Variants in EPM2A observed in about 807,000 individuals in gnomAD.
EPM2A encodes EPM2A glucan phosphatase, laforin, also known as laforin.
EPM2A carries 21 observed loss-of-function variants against 26.5 expected under a neutral mutation model. The ratio of observed to expected loss-of-function variants is 0.79; its 90% confidence interval spans 0.56 to 1.14. EPM2A has a LOEUF of 1.14. Ranked by LOEUF, EPM2A falls within the 50% of genes most tolerant of loss-of-function variation. The pLI, the probability that EPM2A is intolerant of heterozygous loss-of-function variation, is 0.00. For missense variants in EPM2A, 458 were observed against 440.8 expected (o/e 1.04, Z -0.35); for synonymous variants, 217 against 177.6 (o/e 1.22, Z -1.76).
At chr6:145,724,508 A>T in intron 1 of EPM2A, among the ~76,000 whole-genome samples, 1 of 152,122 alleles carries the variant, frequency 6.6e-6, no homozygotes, top group Non-Finnish European at 1.5e-5. Flanking sequence ...CAACAACTGA[A>T]TCTAAAAAGT....
intron 4 of EPM2A, among the ~76,000 whole-genome samples, chr6:145,411,841 G>A (rs1182888574): frequency 2.6e-5 from 4 of 152,028 alleles, no homozygotes; most frequent in African/African-American, 4.8e-5. Flanking sequence ...TCAGCCTCTC[G>A]GCCCTTTTTA....
At chr6:145,444,928 A>AC (rs1779111886) in intron 4 of EPM2A, among the ~76,000 whole-genome samples, 1 of 150,750 alleles carries the variant, frequency 6.6e-6, no homozygotes, top group Non-Finnish European at 1.5e-5. Flanking sequence ...GAAAATTTAG[A>AC]TTTTTTTTTT....
chr6:145,709,947 A>T (rs1775210491), intron 1 of EPM2A, among the ~76,000 whole-genome samples: 2 of 152,200 alleles, frequency 1.3e-5, no homozygotes, highest in South Asian at 4.1e-4. Flanking sequence ...CCTTCCTTAC[A>T]CCTTATACAA....
At chr6:145,713,430 G>A (rs1395878587) in intron 1 of EPM2A, among the ~76,000 whole-genome samples, 2 of 152,154 alleles carry the variant, frequency 1.3e-5, no homozygotes, top group Admixed American at 6.5e-5. Context: ...ACATATGTGT[G>A]TACAGAAGAT....
intron 2 of EPM2A, among the ~76,000 whole-genome samples, chr6:145,606,942 T>A (rs1398548992): frequency 6.6e-6 from 1 of 152,082 alleles, no homozygotes; most frequent in Non-Finnish European, 1.5e-5. Context: ...TAAAGAAAAA[T>A]TAAACTTAAG....
In EPM2A at chr6:145,626,368, G is replaced by A; in HGVS notation, c.*1048C>T. 1.0e-6 allele frequency: 1 copy of A among 985,944 alleles called. No individual in the cohort carries two copies. Among genetic ancestry groups the A allele is most frequent in the African/African-American group, 1.7e-5 (1 of 57,336 alleles). 61.1% of individuals were successfully genotyped at this position (985,944 alleles called of 1,614,324 possible). On this transcript the variant is annotated 3_prime_UTR_variant, in exon 4 of 4. Coordinates refer to ENST00000367519, the MANE Select transcript of EPM2A (RefSeq NM_005670.4). The stretch of plus-strand genomic sequence containing the variant: ...CTGTGAAGCAATTATCCATGGATTT[G>A]GTCATTTGGGCTCTTTTGGTAGTAT...
chr6:145,514,875 A>G (rs1780104428), intron 2 of EPM2A, among the ~76,000 whole-genome samples: 1 of 152,162 alleles, frequency 6.6e-6, no homozygotes, highest in South Asian at 2.1e-4. Context: ...ATTTGAGTGG[A>G]TTTATCACAG....
intron 2 of EPM2A, among the ~76,000 whole-genome samples, chr6:145,660,036 C>T (rs1451007464): frequency 6.6e-6 from 1 of 151,976 alleles, no homozygotes; most frequent in East Asian, 1.9e-4. Flanking sequence ...TCATGCTTTG[C>T]TCAATTAAAC....
At chr6:145,459,404 G>T (rs570296096) in intron 4 of EPM2A, among the ~76,000 whole-genome samples, 1 of 152,138 alleles carries the variant, frequency 6.6e-6, no homozygotes, top group South Asian at 2.1e-4. Context: ...AATCATGCTC[G>T]AAAAGTTCAG....
intron 2 of EPM2A, among the ~76,000 whole-genome samples, chr6:145,526,198 T>C (rs2114778810): frequency 6.6e-6 from 1 of 152,226 alleles, no homozygotes; most frequent in South Asian, 2.1e-4. Flanking sequence ...AGTCTGCTAG[T>C]ATTTTGTTGA....
At chr6:145,439,645 C>T (rs1779036111) in intron 4 of EPM2A, among the ~76,000 whole-genome samples, 1 of 151,936 alleles carries the variant, frequency 6.6e-6, no homozygotes, top group African/African-American at 2.4e-5. Flanking sequence ...TGTCCTTTGC[C>T]CTCTTTTTAA....
intron 4 of EPM2A, chr6:145,463,496 GTT>G (rs1315216277): frequency 1.3e-5 from 2 of 151,990 alleles, no homozygotes; most frequent in Non-Finnish European, 2.9e-5. Flanking sequence ...ATATAATTTT[GTT>G]TTTAAACACA....
At chr6:145,711,462 T>C (rs1269222359) in intron 1 of EPM2A, among the ~76,000 whole-genome samples, 1 of 152,152 alleles carries the variant, frequency 6.6e-6, no homozygotes, top group Non-Finnish European at 1.5e-5. Context: ...TTAAACTACT[T>C]ATAGGACTCC....
intron 4 of EPM2A, among the ~76,000 whole-genome samples, chr6:145,451,352 TA>T (rs928467230): frequency 2.0e-5 from 3 of 150,976 alleles, no homozygotes; most frequent in East Asian, 3.9e-4. Flanking sequence ...AATGCATTGG[TA>T]AAAAAATCCA....
intron 2 of EPM2A, among the ~76,000 whole-genome samples, chr6:145,511,417 G>T (rs951742751): frequency 6.6e-6 from 1 of 152,032 alleles, no homozygotes; most frequent in Non-Finnish European, 1.5e-5. Flanking sequence ...TCATCAAGTG[G>T]GCTTTATTCC....
At chr6:145,592,361 A>G (rs969790907) in intron 2 of EPM2A, among the ~76,000 whole-genome samples, 2 of 151,930 alleles carry the variant, frequency 1.3e-5, no homozygotes, top group Non-Finnish European at 2.9e-5. Flanking sequence ...TATGGCTGCA[A>G]AGTATTCCAT....
rs114913573 is a variant in EPM2A at position 145,454,224 on chromosome 6, G to C, written c.555+48298C>G. 4.3e-3 allele frequency among the ~76,000 whole-genome samples: 656 copies of C among 152,300 alleles called. 3 individuals carry two copies. The highest frequency in any genetic ancestry group is 0.015 in the African/African-American group (619 of 41,562). On this transcript the variant is annotated intron_variant, in intron 4 of 4. Transcript: ENST00000638717. ...AGAATAATCTTCCCAAGTGCCGGAA[G>C]TGGTGGAAGTAACTAAATTGCTGGA...
intron 2 of EPM2A, among the ~76,000 whole-genome samples, chr6:145,529,346 C>T (rs414222): frequency 0.45 from 67,821 of 151,886 alleles, 15,186 homozygotes; most frequent in South Asian, 0.58. Context: ...GAAGAGTTAA[C>T]TGATATGTCA....
intron 2 of EPM2A, among the ~76,000 whole-genome samples, chr6:145,530,251 A>C (rs1362997932): frequency 5.3e-5 from 8 of 152,202 alleles, no homozygotes; most frequent in Non-Finnish European, 1.2e-4. Context: ...TGGCTGGAAC[A>C]ATCTGGGCTA....
Sources: gnomAD v4.1 joint callset for allele counts (sites outside exome capture counted in the v4.1 genomes callset) on GRCh38, gnomAD v4.1.1 for gene constraint, MANE v1.5 for transcripts, NCBI Gene and HGNC (gene_info 2026-07-23, HGNC 2026-07-21) for gene names.